The following KIAA2012 variants were observed in gnomAD, a reference collection of about 807,000 sequenced individuals.
KIAA2012 encodes KIAA2012.
KIAA2012 carries 125 observed loss-of-function variants against 150.6 expected under a neutral mutation model. That is an observed-to-expected ratio of 0.83 (90% CI 0.72 to 0.96). The LOEUF is 0.96. KIAA2012 is among the 40% of genes least tolerant of loss of function. The pLI is 0.00. For synonymous variants in KIAA2012, 462 were observed against 504.7 expected, an observed-to-expected ratio of 0.92 and a Z score of 1.13; for missense variants, 1,219 against 1,354.9, an observed-to-expected ratio of 0.90 and a Z score of 1.57.
rs573517535 is a variant in KIAA2012, at chr2:202,090,792, A to C, written c.392A>C (p.Gln131Pro). The change falls in exon 3 of 24, where the codon CAA (glutamine) becomes CCA (proline). Residue 131 changes from glutamine (Q) to proline (P), a missense_variant. Transcript: ENST00000498697. Reference protein sequence around the residue: ...RQQGEQDRAWQPYLHFRSQLE... With the variant: ...RQQGEQDRAWPPYLHFRSQLE... ...CAGGGAGAGCAGGACAGAGCCTGGCAACCATACCTCCACTTCCGAAGCCAG... is the reference window on the plus strand; with the variant it reads ...CAGGGAGAGCAGGACAGAGCCTGGCCACCATACCTCCACTTCCGAAGCCAG... The C allele has an allele frequency of 7.7e-6, 12 of 1,550,480 alleles. No individual in the cohort carries two copies. In the Admixed American group the frequency reaches 2.4e-4, roughly 30 times the overall value.
chr2:202,077,956 A>G (rs1689361515), intron 2 of KIAA2012, among the ~76,000 whole-genome samples: 1 of 152,242 alleles, frequency 6.6e-6, no homozygotes, highest in Non-Finnish European at 1.5e-5. Flanking sequence ...CAGGACAGCT[A>G]TAGGGAAACA....
intron 19 of KIAA2012, among the ~76,000 whole-genome samples, chr2:202,192,765 T>C (rs1378121360): frequency 6.6e-6 from 1 of 152,218 alleles, no homozygotes. Flanking sequence ...CTTGTTTTTA[T>C]ATTTTTGAGG....
intron 11 of KIAA2012, among the ~76,000 whole-genome samples, chr2:202,122,094 G>A (rs1690666923): frequency 6.6e-6 from 1 of 152,238 alleles, no homozygotes; most frequent in African/African-American, 2.4e-5. Flanking sequence ...TTCATGCTGG[G>A]GGTGAGGAGG....
At chr2:202,098,589 T>C (rs893207612) in intron 5 of KIAA2012, among the ~76,000 whole-genome samples, 2 of 152,098 alleles carry the variant, frequency 1.3e-5, no homozygotes, top group South Asian at 2.1e-4. Flanking sequence ...GTTTGAAAAA[T>C]AGCTATTGCC....
chr2:202,092,865 G>A (rs1575006081), intron 3 of KIAA2012, among the ~76,000 whole-genome samples, 165 bp from the exon 4 acceptor site: 1 of 152,138 alleles, frequency 6.6e-6, no homozygotes, highest in South Asian at 2.1e-4. Flanking sequence ...CAAGGCCTCT[G>A]TGGGTTCTAT....
chr2:202,196,359 T>A (rs71425924), intron 21 of KIAA2012, among the ~76,000 whole-genome samples: 40,213 of 151,132 alleles, frequency 0.27, 6,069 homozygotes, highest in Non-Finnish European at 0.34. Context: ...CACGCCCCGC[T>A]AATTTTTTTG....
intron 14 of KIAA2012, among the ~76,000 whole-genome samples, chr2:202,158,128 G>A (rs1691567112): frequency 6.6e-6 from 1 of 152,132 alleles, no homozygotes; most frequent in African/African-American, 2.4e-5. Flanking sequence ...CCAAGTAGCT[G>A]GGACTACAGG....
At chr2:202,203,418 T>C (rs1351888900) in intron 23 of KIAA2012, among the ~76,000 whole-genome samples, 3 of 152,234 alleles carry the variant, frequency 2.0e-5, no homozygotes, top group Non-Finnish European at 4.4e-5. Context: ...AAAATGTTCA[T>C]TTCAGCAAAA....
chr2:202,163,380 G>A (rs953996056), intron 14 of KIAA2012, among the ~76,000 whole-genome samples: 7 of 152,108 alleles, frequency 4.6e-5, no homozygotes, highest in African/African-American at 1.7e-4. Flanking sequence ...GGGATTACAG[G>A]CGTGAGCCAC....
At chr2:202,159,092 G>T (rs536404297) in intron 14 of KIAA2012, among the ~76,000 whole-genome samples, 2 of 152,190 alleles carry the variant, frequency 1.3e-5, no homozygotes, top group African/African-American at 2.4e-5. Flanking sequence ...CAAGCATTAC[G>T]TATGTGGGCA....
chr2:202,123,164 T>C (rs1378872052), intron 11 of KIAA2012, among the ~76,000 whole-genome samples: 1 of 152,208 alleles, frequency 6.6e-6, no homozygotes, highest in Non-Finnish European at 1.5e-5. Context: ...TCTTGGGAGC[T>C]ACGAGGCAAA....
At chr2:202,078,394 T>A (rs1053691871) in intron 2 of KIAA2012, among the ~76,000 whole-genome samples, 20 of 152,174 alleles carry the variant, frequency 1.3e-4, no homozygotes. Context: ...GCTCAAGTGG[T>A]CCTCCCATCT....
chr2:202,160,362 A>G (rs1469540155), intron 14 of KIAA2012, among the ~76,000 whole-genome samples: 28 of 133,742 alleles, frequency 2.1e-4, no homozygotes, highest in Admixed American at 1.2e-3. Context: ...CACCCAGGCT[A>G]GAGTTCAGTG....
At chr2:202,139,131 C>T (rs750865596) in intron 13 of KIAA2012, among the ~76,000 whole-genome samples, 20 of 151,082 alleles carry the variant, frequency 1.3e-4, no homozygotes, top group Non-Finnish European at 2.1e-4. Flanking sequence ...GTCCCAGCTA[C>T]TTGGGAGGCT....
intron 11 of KIAA2012, among the ~76,000 whole-genome samples, chr2:202,123,362 G>GT (rs1185895555): frequency 6.6e-6 from 1 of 152,122 alleles, no homozygotes; most frequent in Non-Finnish European, 1.5e-5. Context: ...TTAATCCAGA[G>GT]TGTCTGTCTC....
intron 13 of KIAA2012, among the ~76,000 whole-genome samples, chr2:202,145,585 A>G (rs1449783879): frequency 3.9e-5 from 6 of 152,080 alleles, no homozygotes; most frequent in Non-Finnish European, 7.4e-5. Flanking sequence ...TGTATTATGA[A>G]AAATTTCAAA....
Position 202,109,758 on chromosome 2 carries a change from A to G in KIAA2012, c.1620A>G (p.Arg540=), listed in dbSNP as rs1203377832. 1 of 1,549,794 alleles carries G rather than the reference A, an allele frequency of 6.5e-7. No homozygotes were observed. The highest frequency in any genetic ancestry group is 2.0e-5 in the Admixed American group (1 of 50,920). Residue 540 remains arginine (R), a synonymous_variant, in exon 10 of 24, where the codon AGA becomes AGG. Transcript: ENST00000498697. ...GCCCCCCAAGTCTCCCGAACATGAG[A>G]GTGCCCAGGAGGGCACTGCCAGCAG... The part of the protein sequence containing the change: ...HNSPPSLPNM[R]VPRRALPAAQ...
intron 4 of KIAA2012, 132 bp downstream of exon 4, chr2:202,093,317 G>GACTAT: frequency 1.1e-6 from 1 of 908,588 alleles, no homozygotes; most frequent in Non-Finnish European, 1.7e-6. Context: ...GTAAAATGAG[G>GACTAT]GGTTAGTGCA....
chr2:202,137,335 G>A (rs1305492252), intron 12 of KIAA2012: 1 of 66,482 alleles, frequency 1.5e-5, no homozygotes, highest in Admixed American at 1.5e-4. Flanking sequence ...TTTTTTTTTT[G>A]AGATGGAGTC....
Sources: gnomAD v4.1 joint callset for allele counts (sites outside exome capture counted in the v4.1 genomes callset) on GRCh38, gnomAD v4.1.1 for gene constraint, MANE v1.5 for transcripts, NCBI Gene and HGNC (gene_info 2026-07-23, HGNC 2026-07-21) for gene names.